EPN1: variants seen among roughly 807,000 people sequenced by gnomAD.
EPN1 encodes the protein epsin 1, also known as epsin-1.
In EPN1, 25 loss-of-function variants were observed where a neutral mutation model predicts 56.9. That is an observed-to-expected ratio of 0.44 (90% CI 0.32 to 0.61). The LOEUF (loss-of-function observed/expected upper bound fraction) is 0.61. Among genes scored for constraint, EPN1 ranks in the 20% least tolerant of loss-of-function variants. The pLI is 0.05. For missense variants in EPN1, 785 were observed against 823.7 expected (o/e 0.95, Z 0.58); for synonymous variants, 411 against 361.8 (o/e 1.14, Z -1.54).
intron 7 of EPN1, 99 bp from the exon 8 acceptor site, chr19:55,692,587 C>T: frequency 1.3e-6 from 1 of 768,194 alleles, no homozygotes. Flanking sequence ...GGCAGGGGGG[C>T]TTTTGTGTGA....
At position 55,706,711 on chromosome 19, in the gene EPN1, A is replaced by ATT. The variant is rs1235461308; in HGVS notation, c.*11357_*11358dup. On this transcript the variant is annotated 3_prime_UTR_variant, in exon 11 of 11. Transcript: ENST00000270460. The stretch of plus-strand genomic sequence containing the variant: ...ATTTAAAAAACAATAGTAAAGAGAG[A>ATT]TTTAAAAAACAATAGTAAAGAGAGA... 1.3e-5 allele frequency: 2 copies of ATT among 151,718 alleles called. No individual in the cohort carries two copies. Among genetic ancestry groups the ATT allele is most frequent in the African/African-American group, 4.8e-5 (2 of 41,246 alleles). 9.4% of individuals were successfully genotyped at this position (151,718 alleles called of 1,614,324 possible).
At chr19:55,679,722 C>G (rs1029906569) in intron 2 of EPN1, among the ~76,000 whole-genome samples, 1 of 152,226 alleles carries the variant, frequency 6.6e-6, no homozygotes, top group Admixed American at 6.5e-5. Context: ...CGTTGCAGCA[C>G]TTACACATGG....
chr19:55,682,754 G>T (rs1050692627), intron 2 of EPN1, among the ~76,000 whole-genome samples: 1 of 150,996 alleles, frequency 6.6e-6, no homozygotes, highest in African/African-American at 2.4e-5. Context: ...TTTAATTATT[G>T]TTTCTTATTT....
chr19:55,679,508 T>C (rs1985665341), intron 2 of EPN1, among the ~76,000 whole-genome samples: 1 of 152,178 alleles, frequency 6.6e-6, no homozygotes, highest in Admixed American at 6.5e-5. Flanking sequence ...AGTGTTAGAC[T>C]CCTGCTGTTG....
rs73933312 is a variant in EPN1, at chr19:55,698,466, G to C, written c.*3110G>C. On this transcript the variant is annotated 3_prime_UTR_variant, in exon 11 of 11. Coordinates refer to ENST00000270460, the MANE Select transcript of EPN1 (RefSeq NM_001130072.2). ...TGGAGCCCGTAGGAGCTTCATCCGA[G>C]CTCCTGGGTCACCCCGCCCACCAGA... 24 of 152,488 alleles carry C rather than the reference G, an allele frequency of 1.6e-4. No individual in the cohort carries two copies. The highest frequency in any genetic ancestry group is 5.8e-4 in the African/African-American group (24 of 41,558). The allele number at this position is 152,488 out of a possible 1,614,324, so 9.4% of individuals were successfully genotyped here.
Position 55,704,155 on chromosome 19 carries a change from G to A in EPN1, c.*8799G>A, listed in dbSNP as rs1987281201. ...ACCTTCCAGCCCAGCGCGCACACTA[G>A]ACGGCACGTGCTCTCCACGCTCTTT... On this transcript the variant is annotated 3_prime_UTR_variant, in exon 11 of 11. Coordinates refer to ENST00000270460, the MANE Select transcript of EPN1 (RefSeq NM_001130072.2). 6.6e-6 allele frequency: 1 copy of A among 152,620 alleles called. No homozygotes were observed. The highest frequency in any genetic ancestry group is 1.5e-5 in the Non-Finnish European group (1 of 68,344). 9.5% of individuals were successfully genotyped at this position (152,620 alleles called of 1,614,324 possible). A position where few individuals can be genotyped will look rare whatever the true frequency, so the allele number is the denominator to read the frequency against.
chr19:55,690,441 ACC>A (rs1986465712), intron 6 of EPN1, among the ~76,000 whole-genome samples: 1 of 152,128 alleles, frequency 6.6e-6, no homozygotes. Context: ...TGAGTAGCAA[ACC>A]CTCCCACAAC....
At position 55,678,585 on chromosome 19, in the gene EPN1, A is replaced by T; in HGVS notation, c.-43A>T. 1 of 1,571,620 alleles carries T rather than the reference A, an allele frequency of 6.4e-7. No individual in the cohort carries two copies. The highest frequency in any genetic ancestry group is 8.6e-7 in the Non-Finnish European group (1 of 1,160,742). On this transcript the variant is annotated 5_prime_UTR_variant, in exon 2 of 11. Transcript: ENST00000270460. ...CGTCCGGGAGTCGCCCCATCTCTCC[A>T]CGCATCGGGGCCCTGTGCCCCTTGC...
chr19:55,675,826 C>T (rs1037310683), intron 1 of EPN1, among the ~76,000 whole-genome samples: 1 of 152,160 alleles, frequency 6.6e-6, no homozygotes, highest in African/African-American at 2.4e-5. Context: ...TAGCCCTTCC[C>T]TGCGGGCTTT....
intron 7 of EPN1, 74 bp downstream of exon 7, chr19:55,692,131 CAG>C: frequency 7.4e-7 from 1 of 1,346,990 alleles, no homozygotes; most frequent in South Asian, 1.7e-5. Flanking sequence ...TGCCCTTGGA[CAG>C]GGACAGATCG....
Position 55,689,297 on chromosome 19 carries a change from C to A in EPN1, c.604C>A (p.Pro202Thr). The A allele has an allele frequency of 6.5e-7, 1 of 1,548,778 alleles. No homozygotes were observed. Among genetic ancestry groups the A allele is most frequent in the Non-Finnish European group, 8.7e-7 (1 of 1,144,772 alleles). Residue 202 changes from proline (P) to threonine (T), a missense_variant and splice_region_variant, in exon 5 of 11, where the codon CCC becomes ACC. Pro to Thr is a conservative substitution (Grantham distance 38, BLOSUM62 -1). This residue lies in a region of EPN1 where 650 missense variants were observed against 605.0 expected (regional missense o/e 1.07). Coordinates refer to ENST00000270460, the MANE Select transcript of EPN1 (RefSeq NM_001130072.2). This position sits in a 1 kb window ranked among gnomAD's most constrained non-coding sequence, Gnocchi z 5.7. ...GCCCCTCACACTCTCTCTCCCCCAG[C>A]CCCCGTCCTGCGGCCCCGAGGACGA... ...LAMSKEEADQ[P>T]PSCGPEDDAQ...
rs1030722179 is a variant in EPN1 at position 55,691,200 on chromosome 19, C to T, written c.763-554C>T. Reference sequence around the variant, plus strand: ...TGCGGGGTGACAGTGGGGCAATGGGCGTGGGAAGGCCTGCAGCGCGATGAC... The same window carrying T: ...TGCGGGGTGACAGTGGGGCAATGGGTGTGGGAAGGCCTGCAGCGCGATGAC... On this transcript the variant is annotated intron_variant, in intron 6 of 10. Transcript: ENST00000270460. This position sits in a 1 kb window ranked among gnomAD's most constrained non-coding sequence, Gnocchi z 5.6. 4.0e-5 allele frequency among the ~76,000 whole-genome samples: 6 copies of T among 151,660 alleles called. No homozygotes were observed. The highest frequency in any genetic ancestry group is 2.6e-4 in the Admixed American group (4 of 15,214).
At position 55,699,311 on chromosome 19, in the gene EPN1, C is replaced by A. The variant is rs899108591; in HGVS notation, c.*3955C>A. ...ATTCCCAGGCACCTTCTTGCAGCCG[C>A]AGGCATCTCCCCCACACGTGCTTCT... is the stretch of plus-strand genomic sequence containing the variant. On this transcript the variant is annotated 3_prime_UTR_variant, in exon 11 of 11. Coordinates refer to ENST00000270460, the MANE Select transcript of EPN1 (RefSeq NM_001130072.2). The A allele has an allele frequency of 1.3e-5, 2 of 152,326 alleles. No individual in the cohort carries two copies. The highest frequency in any genetic ancestry group is 2.9e-5 in the Non-Finnish European group (2 of 68,034). The allele number at this position is 152,326 out of a possible 1,614,324, so 9.4% of individuals were successfully genotyped here.
chr19:55,692,558 G>C, intron 7 of EPN1, 128 bp from the exon 8 acceptor site: 1 of 584,062 alleles, frequency 1.7e-6, no homozygotes, highest in Non-Finnish European at 3.0e-6. Context: ...GGGAGGCCGG[G>C]TGGGGTGGGT....
intron 1 of EPN1, chr19:55,677,324 G>GT (rs1371762106): frequency 1.3e-6 from 1 of 770,058 alleles, no homozygotes; most frequent in Non-Finnish European, 2.3e-6. Flanking sequence ...GTTAATACAT[G>GT]TAAAGCACTT....
Position 55,709,075 on chromosome 19 carries a change from T to TG in EPN1, c.*13720dup, listed in dbSNP as rs1491307791. On this transcript the variant is annotated 3_prime_UTR_variant, in exon 11 of 11. Coordinates refer to ENST00000270460, the MANE Select transcript of EPN1 (RefSeq NM_001130072.2). ...AAAATAGAAATAAAGTTTTTTTTTT[T>TG]GTTTTTCATTTTTACACAGTATTGC... 2.6e-6 allele frequency: 4 copies of TG among 1,537,646 alleles called. No homozygotes were observed. Among genetic ancestry groups the TG allele is most frequent in the East Asian group, 4.7e-5 (2 of 42,170 alleles).
chr19:55,689,439 C>G lies in EPN1; in HGVS notation c.678+68C>G. The stretch of plus-strand genomic sequence containing the variant: ...CTCAGACCAGCCCCGTCGCCCCTTC[C>G]TAAGTCACCCCCCACCATCCTGCTG... On this transcript the variant is annotated intron_variant, in intron 5 of 10. Transcript: ENST00000270460. The surrounding 1 kb of genome is among the most constrained non-coding windows in gnomAD (Gnocchi z 5.7). The G allele has an allele frequency of 8.2e-7, 1 of 1,225,446 alleles. No individual in the cohort carries two copies. The allele number at this position is 1,225,446 out of a possible 1,614,324, so 75.9% of individuals were successfully genotyped here. A position where few individuals can be genotyped will look rare whatever the true frequency, so the allele number is the denominator to read the frequency against.
intron 6 of EPN1, among the ~76,000 whole-genome samples, chr19:55,690,865 G>T (rs949357046): frequency 1.3e-5 from 2 of 152,176 alleles, no homozygotes; most frequent in African/African-American, 4.8e-5. Flanking sequence ...GGTTGGCCTC[G>T]GCCAGGGGGT....
chr19:55,677,873 T>A (rs1337160715), intron 1 of EPN1: 1 of 1,199,590 alleles, frequency 8.3e-7, no homozygotes, highest in African/African-American at 1.6e-5. Flanking sequence ...CACTTCCTCC[T>A]TGCATGGTTT....
Sources: gnomAD v4.1 joint callset for allele counts (sites outside exome capture counted in the v4.1 genomes callset) on GRCh38, gnomAD v4.1.1 for gene constraint, gnomAD v4.1.1 regional missense constraint, Gnocchi (gnomAD v3.1) non-coding constraint, MANE v1.5 for transcripts, NCBI Gene and HGNC (gene_info 2026-07-23, HGNC 2026-07-21) for gene names.